Variants in AP5Z1 observed in about 807,000 individuals in gnomAD.
AP5Z1 encodes adaptor related protein complex 5 subunit zeta 1, also known as AP-5 complex subunit zeta-1.
Under a neutral mutation model 83.0 loss-of-function variants are expected in AP5Z1, and 106 were observed. The ratio of observed to expected loss-of-function variants is 1.28; its 90% CI spans 1.09 to 1.50. AP5Z1 has a LOEUF of 1.50. Ranked by LOEUF, AP5Z1 falls within the 40% of genes most tolerant of loss-of-function variation. AP5Z1 has a pLI of 0.00. For missense variants in AP5Z1, 1,565 were observed against 1,094.2 expected (o/e 1.43, Z -6.07); for synonymous variants, 751 against 514.1 (o/e 1.46, Z -6.23).
chr7:4,782,742 G>A (rs1283537869), intron 3 of AP5Z1, among the ~76,000 whole-genome samples: 1 of 151,756 alleles, frequency 6.6e-6, no homozygotes, highest in East Asian at 1.9e-4. Context: ...GATGACTCCG[G>A]CTCTTCTTGT....
chr7:4,779,438 T>C (rs1206481426), intron 1 of AP5Z1, among the ~76,000 whole-genome samples: 1 of 128,494 alleles, frequency 7.8e-6, no homozygotes, highest in East Asian at 2.0e-4. Flanking sequence ...ATATATAACA[T>C]ATATAACATT....
intron 9 of AP5Z1, 76 bp downstream of exon 9, chr7:4,785,760 CTT>C (rs74274130): frequency 0.071 from 76,255 of 1,079,302 alleles, 3 homozygotes; most frequent in South Asian, 0.095. Flanking sequence ...TTCTTCTTCC[CTT>C]TTTTTTTTTT....
At position 4,789,989 on chromosome 7, in the gene AP5Z1, C is replaced by T. The variant is rs1470666308; in HGVS notation, c.1805+60C>T. ...GCGGGTGCCTCCTGGACTCCTCCCC[C>T]TCTCCCCTCCCCCCTCCCCTTCAGT... On this transcript the variant is annotated intron_variant, in intron 14 of 16. Transcript: ENST00000649063. 1.2e-5 allele frequency: 15 copies of T among 1,230,024 alleles called. No individual in the cohort carries two copies. The Admixed American group carries it at 2.5e-4, about 20-fold the overall frequency. The allele number at this position is 1,230,024 out of a possible 1,614,324, so 76.2% of individuals were successfully genotyped here. A position where few individuals can be genotyped will look rare whatever the true frequency, so the allele number is the denominator to read the frequency against.
Position 4,789,755 on chromosome 7 carries a change from T to G in AP5Z1, c.1708-77T>G, listed in dbSNP as rs145044529. The G allele has an allele frequency of 8.1e-4, 957 of 1,185,498 alleles. 3 individuals carry two copies. Among genetic ancestry groups the G allele is most frequent in the Middle Eastern group, 2.4e-3 (12 of 5,048 alleles). 73.4% of individuals were successfully genotyped at this position (1,185,498 alleles called of 1,614,324 possible). ...CAGCCCCTCACCTGCCCCCCAGCCC[T>G]CACCATGGCTTCACCCCCAACCTTA... On this transcript the variant is annotated intron_variant, in intron 13 of 16. Transcript: ENST00000649063.
rs759014085 is a variant in AP5Z1 at position 4,790,369 on chromosome 7, C to T, written c.1806-90C>T. The T allele has an allele frequency of 1.2e-4, 188 of 1,590,744 alleles. 1 individual carries two copies. Among genetic ancestry groups the T allele is most frequent in the South Asian group, 6.2e-4 (55 of 88,632 alleles). On this transcript the variant is annotated intron_variant, in intron 14 of 16. Coordinates refer to ENST00000649063, the MANE Select transcript of AP5Z1 (RefSeq NM_014855.3). The stretch of plus-strand genomic sequence containing the variant: ...GTGCAGCATACACCTACCACTCAGA[C>T]GCTTCCCGGGTTTCTCCAGGCCCTT...
rs375030531 is a variant in AP5Z1, at chr7:4,790,708, C to T, written c.1974C>T (p.Tyr658=). 1.2e-4 allele frequency: 199 copies of T among 1,611,172 alleles called. 2 individuals are homozygous for T. In the South Asian group the frequency reaches 1.7e-3, roughly 14 times the overall value. The change falls in exon 16 of 17, where the codon TAC becomes TAT. Residue 658 remains tyrosine, a synonymous_variant. Transcript: ENST00000649063. ...WAIGEYLSVT[Y]DRRCTVEQIN... The stretch of plus-strand genomic sequence containing the variant: ...TCGGCGAGTACCTGTCGGTGACCTA[C>T]GATCGGAGGTGCACCGTGGAGCAGA...
In AP5Z1 at chr7:4,790,809, GGTGTCCCCCCCAGGTGGTCACC is replaced by G. The variant is rs2115129514; in HGVS notation, c.2079_2100del (p.Pro694Ter). 2 of 1,609,384 alleles carry G rather than the reference GGTGTCCCCCCCAGGTGGTCACC, an allele frequency of 1.2e-6. No individual in the cohort carries two copies. Among genetic ancestry groups the G allele is most frequent in the Non-Finnish European group, 1.7e-6 (2 of 1,178,884 alleles). On this transcript the variant is annotated frameshift_variant, in exon 16 of 17. Transcript: ENST00000649063. LOFTEE classifies it high-confidence loss of function. ...TGCCGCCCCTCTGCTGCCCTGCCCA[GGTGTCCCCCCCAGGTGGTCACC>G]GTGCTGATGACCACGCTGACGAAGC...
In AP5Z1 at chr7:4,788,174, A is replaced by G. The variant is rs2115119948; in HGVS notation, c.1475A>G (p.Glu492Gly). 1 of 1,556,000 alleles carries G rather than the reference A, an allele frequency of 6.4e-7. No individual in the cohort carries two copies. The highest frequency in any genetic ancestry group is 8.7e-7 in the Non-Finnish European group (1 of 1,150,852). Reference sequence around the variant, plus strand: ...CGCAGGTCAGCACCGGCTGCATCCGAGAGGCCACTCTGGGACACCTCTCTC... The same window carrying G: ...CGCAGGTCAGCACCGGCTGCATCCGGGAGGCCACTCTGGGACACCTCTCTC... Reference protein sequence around the residue: ...LQLRSAPAASERPLWDTSLRA... With the variant: ...LQLRSAPAASGRPLWDTSLRA... The change falls in exon 12 of 17, where the codon GAG becomes GGG. Residue 492 changes from glutamate to glycine, a missense_variant. Transcript: ENST00000649063.
Position 4,787,678 on chromosome 7 carries a change from G to A in AP5Z1, c.1356G>A (p.Ala452=), listed in dbSNP as rs558636596. The A allele has an allele frequency of 4.8e-5, 74 of 1,552,430 alleles. 1 individual carries two copies. In the South Asian group the frequency reaches 4.9e-4, roughly 10 times the overall value. The change falls in exon 11 of 17, where the codon GCG becomes GCA. Residue 452 remains alanine, a synonymous_variant. Coordinates refer to ENST00000649063, the MANE Select transcript of AP5Z1 (RefSeq NM_014855.3). ...NSPPLTSEFV[A]LLPALVDAGT... ...CACCCCTCACCTCCGAGTTTGTGGC[G>A]CTCCTCCCGGCCCTGGTGGACGCTG...
chr7:4,781,078 T>G lies in AP5Z1; in HGVS notation c.42-97T>G, dbSNP rs546271381. ...TGTTCCTCCACACACTCGGCTTCTC[T>G]TTTCTAAAGAGGGATTTTCCCTGCT... On this transcript the variant is annotated intron_variant, in intron 1 of 16. Coordinates refer to ENST00000649063, the MANE Select transcript of AP5Z1 (RefSeq NM_014855.3). 1.9e-3 allele frequency: 2,761 copies of G among 1,491,442 alleles called. 7 individuals carry two copies. Among genetic ancestry groups the G allele is most frequent in the Non-Finnish European group, 2.3e-3 (2,521 of 1,108,784 alleles). 92.4% of individuals were successfully genotyped at this position (1,491,442 alleles called of 1,614,324 possible).
intron 12 of AP5Z1, 64 bp from the exon 13 acceptor site, chr7:4,788,776 G>C (rs978883913): frequency 2.1e-6 from 3 of 1,397,570 alleles, no homozygotes; most frequent in Non-Finnish European, 1.9e-6. Context: ...GTGGCGACGT[G>C]GCCCCGGCCT....
At position 4,787,679 on chromosome 7, in the gene AP5Z1, C is replaced by T. The variant is rs376979127; in HGVS notation, c.1357C>T (p.Leu453Phe). ...ACCCCTCACCTCCGAGTTTGTGGCG[C>T]TCCTCCCGGCCCTGGTGGACGCTGG... ...SPPLTSEFVA[L>F]LPALVDAGTA... is the part of the protein sequence containing the mutation. The change falls in exon 11 of 17, where the codon CTC becomes TTC. Residue 453 changes from leucine to phenylalanine, a missense_variant. Transcript: ENST00000649063. The T allele has an allele frequency of 4.6e-5, 71 of 1,552,664 alleles. No homozygotes were observed. The highest frequency in any genetic ancestry group is 6.2e-5 in the Non-Finnish European group (71 of 1,148,750).
chr7:4,791,329 G>A lies in AP5Z1; in HGVS notation c.2368G>A (p.Ala790Thr). 4 of 1,610,812 alleles carry A rather than the reference G, an allele frequency of 2.5e-6. No individual in the cohort carries two copies. In the South Asian group the frequency reaches 3.3e-5, roughly 13 times the overall value. Residue 790 changes from alanine to threonine, a missense_variant, in exon 17 of 17, where the codon GCC becomes ACC. By Grantham distance (58) the Ala-to-Thr change is moderately conservative (BLOSUM62 0). Transcript: ENST00000649063. ...CGATGCCAACACGGCCCTGCCCCTG[G>A]CCCTGCGCACGGTCAGCCGGCTGGT... ...HRDANTALPL[A>T]LRTVSRLVER...
chr7:4,784,084 C>G (rs1324342964), intron 5 of AP5Z1, 119 bp from the exon 6 acceptor site: 1 of 1,267,526 alleles, frequency 7.9e-7, no homozygotes, highest in Non-Finnish European at 1.1e-6. Flanking sequence ...CAGGGCGGGC[C>G]GCTGCCCGGG....
At chr7:4,790,652 A>G (rs1781734017) in intron 15 of AP5Z1, 21 bp from the exon 16 acceptor site, 1 of 1,611,980 alleles carries the variant, frequency 6.2e-7, no homozygotes, top group African/African-American at 1.3e-5. Context: ...GTGGGGGCTG[A>G]ATCTCTGTCC....
chr7:4,778,546 G>C (rs1781283991), intron 1 of AP5Z1, among the ~76,000 whole-genome samples: 1 of 152,010 alleles, frequency 6.6e-6, no homozygotes, highest in South Asian at 2.1e-4. Flanking sequence ...CTTGGAGGCA[G>C]CGTTGGGGTC....
chr7:4,787,887 C>CG lies in AP5Z1; in HGVS notation c.1454+111_1454+112insG, dbSNP rs369057886. On this transcript the variant is annotated intron_variant, in intron 11 of 16. Transcript: ENST00000649063. ...TACACCGGGGACCCTCCTTCTTCCCCCCCCAACACCTGACCAGTCCTCCCC... is the reference window on the plus strand; with the variant it reads ...TACACCGGGGACCCTCCTTCTTCCCCGCCCCAACACCTGACCAGTCCTCCCC... 4.9e-4 allele frequency: 652 copies of CG among 1,328,642 alleles called. 4 individuals are homozygous for CG. The Middle Eastern group carries it at 7.0e-3, about 14-fold the overall frequency. 82.3% of individuals were successfully genotyped at this position (1,328,642 alleles called of 1,614,324 possible).
In AP5Z1 at chr7:4,791,292, C is replaced by G; in HGVS notation, c.2331C>G (p.Pro777=). 8 of 1,612,520 alleles carry G rather than the reference C, an allele frequency of 5.0e-6. No homozygotes were observed. In the African/African-American group the frequency reaches 1.1e-4, roughly 21 times the overall value. ...CACCCAGCACGGAGGTGTGCAGCCC[C>G]CGCTATCACCGCGATGCCAACACGG... ...VLTPSTEVCS[P]RYHRDANTAL... Residue 777 remains proline, a synonymous_variant, in exon 17 of 17, where the codon CCC becomes CCG. Transcript: ENST00000649063.
intron 15 of AP5Z1, 30 bp downstream of exon 15, chr7:4,790,621 C>T (rs1781732665): frequency 6.2e-7 from 1 of 1,612,376 alleles, no homozygotes; most frequent in Non-Finnish European, 8.5e-7. Flanking sequence ...CCCACAGCCG[C>T]TCCTGACCCA....
Sources: allele counts gnomAD v4.1 joint callset (sites outside exome capture counted in the v4.1 genomes callset), GRCh38; gene constraint gnomAD v4.1.1; transcripts MANE v1.5; gene names NCBI Gene and HGNC (gene_info 2026-07-23, HGNC 2026-07-21).